NEDD4L: variants seen among roughly 807,000 people sequenced by gnomAD.
NEDD4L encodes the protein E3 ubiquitin-protein ligase NEDD4-like.
NEDD4L carries 54 observed loss-of-function variants against 148.9 expected under a neutral mutation model. The observed-to-expected ratio is 0.36, with a 90% CI of 0.29 to 0.45. The LOEUF (loss-of-function observed/expected upper bound fraction) is 0.45. Ranked by LOEUF, NEDD4L falls within the 20% of genes least tolerant of loss-of-function variation. The pLI is 1.00. For synonymous variants in NEDD4L, 433 were observed against 440.7 expected (o/e 0.98, Z 0.22); for missense variants, 856 against 1,233.8 (o/e 0.69, Z 4.59).
chr18:58,046,412 G>GA (rs869120512), intron 1 of NEDD4L: 4 of 1,936 alleles, frequency 2.1e-3, no homozygotes, highest in Admixed American at 0.011. Context: ...TGTGGGGGGT[G>GA]GGGGTGAGGA....
intron 2 of NEDD4L, among the ~76,000 whole-genome samples, chr18:58,216,203 C>G (rs1344822575): frequency 6.6e-6 from 1 of 151,772 alleles, no homozygotes; most frequent in African/African-American, 2.4e-5. Context: ...GAGGAGTGTT[C>G]GTAGAGAGGC....
At chr18:58,339,056 C>A (rs941835281) in intron 13 of NEDD4L, among the ~76,000 whole-genome samples, 1 of 150,574 alleles carries the variant, frequency 6.6e-6, no homozygotes, top group Non-Finnish European at 1.5e-5. Context: ...TGAGTAACTG[C>A]AAAAATATCC....
chr18:58,375,777 G>A (rs1174334328), intron 24 of NEDD4L, among the ~76,000 whole-genome samples: 1 of 152,058 alleles, frequency 6.6e-6, no homozygotes, highest in Non-Finnish European at 1.5e-5. Flanking sequence ...AAACGAATGA[G>A]GAGTGCTAAC....
chr18:58,378,256 GT>G (rs1346216866), intron 24 of NEDD4L, among the ~76,000 whole-genome samples: 1 of 152,206 alleles, frequency 6.6e-6, no homozygotes, highest in African/African-American at 2.4e-5. Context: ...CATTCCACAG[GT>G]GTACTGTGGA....
At chr18:58,320,236 G>C (rs2058657395) in intron 6 of NEDD4L, among the ~76,000 whole-genome samples, 1 of 152,126 alleles carries the variant, frequency 6.6e-6, no homozygotes, top group Non-Finnish European at 1.5e-5. Context: ...GATTTCCTAT[G>C]TTTAAACTGT....
At chr18:58,068,903 G>A (rs1258239761) in intron 1 of NEDD4L, among the ~76,000 whole-genome samples, 1 of 152,132 alleles carries the variant, frequency 6.6e-6, no homozygotes, top group African/African-American at 2.4e-5. Flanking sequence ...TTGGGAGGCT[G>A]AGGCAGGCAG....
chr18:58,063,723 G>A (rs1442183559), intron 1 of NEDD4L, among the ~76,000 whole-genome samples: 1 of 151,470 alleles, frequency 6.6e-6, no homozygotes, highest in African/African-American at 2.4e-5. Flanking sequence ...TCGCCACCAT[G>A]CCCGGCTAAT....
At chr18:58,264,602 T>C (rs2148709580) in intron 5 of NEDD4L, among the ~76,000 whole-genome samples, 1 of 152,230 alleles carries the variant, frequency 6.6e-6, no homozygotes, top group South Asian at 2.1e-4. Context: ...TGTGTAATGA[T>C]CAAATCATTA....
intron 1 of NEDD4L, among the ~76,000 whole-genome samples, 190 bp downstream of exon 1, chr18:58,044,898 C>G (rs1252090213): frequency 6.6e-6 from 1 of 152,204 alleles, no homozygotes; most frequent in East Asian, 1.9e-4. Flanking sequence ...CTCCGCAAGC[C>G]GAGCTCATTG....
intron 1 of NEDD4L, among the ~76,000 whole-genome samples, chr18:58,052,424 A>G (rs1476566110): frequency 6.6e-6 from 1 of 152,142 alleles, no homozygotes; most frequent in African/African-American, 2.4e-5. Flanking sequence ...ATCTGGGGTA[A>G]CTAGCTTAAA....
chr18:58,192,990 G>A (rs534262944), intron 2 of NEDD4L, among the ~76,000 whole-genome samples: 3 of 152,328 alleles, frequency 2.0e-5, no homozygotes, highest in East Asian at 3.9e-4. Context: ...CAGCACAACA[G>A]CATGTATGGT....
chr18:58,226,203 G>A (rs908002900), intron 2 of NEDD4L, among the ~76,000 whole-genome samples: 1 of 152,142 alleles, frequency 6.6e-6, no homozygotes, highest in Admixed American at 6.5e-5. Context: ...TGGAAACTAG[G>A]AATATCCACG....
chr18:58,388,825 CTG>C (rs1000676375), intron 27 of NEDD4L: 10 of 484,222 alleles, frequency 2.1e-5, no homozygotes, highest in Admixed American at 1.6e-4. Context: ...GGGAGGACGA[CTG>C]TGGCATTTTT....
rs55939749 is a variant in NEDD4L at position 58,082,023 on chromosome 18, T to A, written c.48+37315T>A. 8.6e-3 allele frequency among the ~76,000 whole-genome samples: 1,279 copies of A among 149,166 alleles called. 18 individuals carry two copies. The highest frequency in any genetic ancestry group is 0.029 in the African/African-American group (1,166 of 40,400). Reference sequence around the variant, plus strand: ...AAAGGAATGGTACAGGAAATGATTGTAATCCAGGACTAAATATACAGTTTG... The same window carrying A: ...AAAGGAATGGTACAGGAAATGATTGAAATCCAGGACTAAATATACAGTTTG... On this transcript the variant is annotated intron_variant, in intron 1 of 30. Transcript: ENST00000400345.
At chr18:58,080,615 G>C (rs1227313362) in intron 1 of NEDD4L, among the ~76,000 whole-genome samples, 1 of 152,230 alleles carries the variant, frequency 6.6e-6, no homozygotes, top group Non-Finnish European at 1.5e-5. Flanking sequence ...CTTCATTCCT[G>C]TACCTGCAGG....
At chr18:58,251,273 C>CCCAGCACTT (rs2047895969) in intron 4 of NEDD4L, among the ~76,000 whole-genome samples, 1 of 152,190 alleles carries the variant, frequency 6.6e-6, no homozygotes, top group Non-Finnish European at 1.5e-5. Flanking sequence ...TGCCTGTAAT[C>CCCAGCACTT]CCAGCACTTT....
At chr18:58,060,171 G>A (rs1053566825) in intron 1 of NEDD4L, among the ~76,000 whole-genome samples, 1 of 152,116 alleles carries the variant, frequency 6.6e-6, no homozygotes, top group Non-Finnish European at 1.5e-5. Context: ...CACAGCTGAG[G>A]CCTGAGTGGC....
chr18:58,347,821 AT>A (rs2043291490), intron 16 of NEDD4L, among the ~76,000 whole-genome samples: 1 of 152,200 alleles, frequency 6.6e-6, no homozygotes. Flanking sequence ...CAGTGATACT[AT>A]GACTTACACG....
intron 24 of NEDD4L, among the ~76,000 whole-genome samples, chr18:58,377,626 C>T (rs1185053509): frequency 1.3e-5 from 2 of 152,206 alleles, no homozygotes; most frequent in African/African-American, 4.8e-5. Flanking sequence ...TACCCCCATT[C>T]ACTGCTGTGC....
Sources: allele counts gnomAD v4.1 joint callset (sites outside exome capture counted in the v4.1 genomes callset), GRCh38; gene constraint gnomAD v4.1.1; transcripts MANE v1.5; gene names NCBI Gene and HGNC (gene_info 2026-07-23, HGNC 2026-07-21).